TERF1: variants seen among roughly 807,000 people sequenced by gnomAD.
TERF1 encodes the protein telomeric repeat binding factor 1.
In TERF1, 20 loss-of-function variants were observed where a neutral mutation model predicts 55.1. The ratio of observed to expected loss-of-function variants is 0.36; its 90% CI spans 0.26 to 0.53. TERF1 has a LOEUF of 0.53. Ranked by LOEUF, TERF1 falls within the 20% of genes least tolerant of loss-of-function variation. The pLI is 0.91. For missense variants in TERF1, 439 were observed against 535.7 expected, an observed-to-expected ratio of 0.82 and a Z score of 1.78; for synonymous variants, 168 against 181.2, an observed-to-expected ratio of 0.93 and a Z score of 0.59.
chr8:73,013,332 T>C (rs760263692), intron 1 of TERF1, among the ~76,000 whole-genome samples: 3 of 152,206 alleles, frequency 2.0e-5, no homozygotes, highest in Non-Finnish European at 2.9e-5. Context: ...TTTTAAAGTT[T>C]TCACAACATT....
chr8:73,033,159 A>G (rs963646776), intron 8 of TERF1, among the ~76,000 whole-genome samples: 1 of 152,156 alleles, frequency 6.6e-6, no homozygotes, highest in African/African-American at 2.4e-5. Flanking sequence ...TGCAGTAAAT[A>G]TTATAGAATA....
intron 6 of TERF1, among the ~76,000 whole-genome samples, chr8:73,028,175 C>G (rs1261965458): frequency 6.6e-6 from 1 of 152,150 alleles, no homozygotes; most frequent in Non-Finnish European, 1.5e-5. Context: ...ATGGTTCTTA[C>G]AGATAATCAT....
intron 9 of TERF1, among the ~76,000 whole-genome samples, chr8:73,039,622 G>C (rs1042504489): frequency 6.6e-6 from 1 of 152,078 alleles, no homozygotes; most frequent in African/African-American, 2.4e-5. Context: ...TTATTAAGGT[G>C]GGTCAATTTA....
intron 4 of TERF1, 30 bp downstream of exon 4, chr8:73,022,332 T>G (rs1808799741): frequency 1.4e-6 from 2 of 1,394,748 alleles, no homozygotes; most frequent in Admixed American, 4.4e-5. Flanking sequence ...CCATAGAATT[T>G]TAGAAGTGTT....
intron 8 of TERF1, among the ~76,000 whole-genome samples, chr8:73,038,549 CTG>C (rs894275860): frequency 6.6e-6 from 1 of 151,710 alleles, no homozygotes; most frequent in African/African-American, 2.4e-5. Context: ...ATTATTTTAA[CTG>C]TTTGTTGCTA....
At chr8:73,045,588 C>G (rs1586075292) in intron 9 of TERF1, among the ~76,000 whole-genome samples, 1 of 152,192 alleles carries the variant, frequency 6.6e-6, no homozygotes, top group East Asian at 1.9e-4. Context: ...CATTAGTGAA[C>G]TACTAAACAT....
chr8:73,039,297 C>A, intron 9 of TERF1, 78 bp downstream of exon 9: 1 of 1,020,916 alleles, frequency 9.8e-7, no homozygotes, highest in Non-Finnish European at 1.4e-6. Context: ...TATTTCTGTT[C>A]AACCTCCCCA....
chr8:73,022,444 G>A, intron 4 of TERF1, 142 bp downstream of exon 4: 1 of 464,676 alleles, frequency 2.2e-6, no homozygotes, highest in Non-Finnish European at 3.7e-6. Flanking sequence ...AACTACGCAA[G>A]TCACATATGT....
At chr8:73,043,983 T>G (rs980822073) in intron 9 of TERF1, among the ~76,000 whole-genome samples, 3 of 152,210 alleles carry the variant, frequency 2.0e-5, no homozygotes, top group Non-Finnish European at 4.4e-5. Context: ...TATATGAAAT[T>G]TTAGATACTA....
chr8:73,036,381 T>C (rs1809510099), intron 8 of TERF1, among the ~76,000 whole-genome samples: 1 of 152,216 alleles, frequency 6.6e-6, no homozygotes, highest in African/African-American at 2.4e-5. Context: ...ACTACCTGTC[T>C]TAACACATAA....
chr8:73,045,850 G>A (rs962669048), intron 9 of TERF1, 111 bp from the exon 10 acceptor site: 17 of 815,138 alleles, frequency 2.1e-5, no homozygotes, highest in African/African-American at 1.3e-4. Flanking sequence ...GAAGTCTTCC[G>A]TCTTTAAGAA....
At chr8:73,026,419 G>A (rs973041843) in intron 5 of TERF1, among the ~76,000 whole-genome samples, 2 of 151,448 alleles carry the variant, frequency 1.3e-5, no homozygotes, top group African/African-American at 2.4e-5. Flanking sequence ...GAAATCACCT[G>A]AGCCCAGGAG....
chr8:73,021,504 G>A (rs1808750757), intron 3 of TERF1, among the ~76,000 whole-genome samples: 1 of 152,128 alleles, frequency 6.6e-6, no homozygotes, highest in African/African-American at 2.4e-5. Flanking sequence ...AATCAAATGG[G>A]TGACAAAGTT....
intron 9 of TERF1, among the ~76,000 whole-genome samples, chr8:73,045,208 G>A (rs1809984730): frequency 6.6e-6 from 1 of 152,038 alleles, no homozygotes. Flanking sequence ...TTTTTTGATA[G>A]CAGCCATCTG....
chr8:73,016,740 T>C (rs1247134875), intron 2 of TERF1, among the ~76,000 whole-genome samples: 1 of 152,140 alleles, frequency 6.6e-6, no homozygotes, highest in Non-Finnish European at 1.5e-5. Context: ...TGCATTGCCG[T>C]GGAACTCAGC....
At chr8:73,031,978 A>G in intron 7 of TERF1, 64 bp from the exon 8 acceptor site, 1 of 1,112,592 alleles carries the variant, frequency 9.0e-7, no homozygotes, top group South Asian at 1.4e-5. Flanking sequence ...CAAATCATTT[A>G]CCTGTTTTCC....
At chr8:73,028,106 T>G (rs1809097667) in intron 6 of TERF1, among the ~76,000 whole-genome samples, 1 of 152,218 alleles carries the variant, frequency 6.6e-6, no homozygotes, top group African/African-American at 2.4e-5. Context: ...TGAATGATAC[T>G]AATACCCAGT....
At chr8:73,042,332 G>T (rs1289211520) in intron 9 of TERF1, among the ~76,000 whole-genome samples, 2 of 152,006 alleles carry the variant, frequency 1.3e-5, no homozygotes, top group Admixed American at 6.6e-5. Flanking sequence ...CATTTCCTAT[G>T]CCAAAAAAGA....
chr8:73,025,754 CAAAAAAAAA>C (rs35028162), intron 5 of TERF1, among the ~76,000 whole-genome samples: 2,814 of 47,410 alleles, frequency 0.059, 111 homozygotes, highest in African/African-American at 0.2. Context: ...GACTCTGTCT[CAAAAAAAAA>C]AAAAAAAAAA....
Sources: allele counts gnomAD v4.1 joint callset (sites outside exome capture counted in the v4.1 genomes callset), GRCh38; gene constraint gnomAD v4.1.1; transcripts MANE v1.5; gene names NCBI Gene and HGNC (gene_info 2026-07-23, HGNC 2026-07-21).